The following PCDHGB2 variants were observed in gnomAD, a reference collection of about 807,000 sequenced individuals.
PCDHGB2 encodes protocadherin gamma-B2.
PCDHGB2 carries 55 observed loss-of-function variants against 59.3 expected under a neutral mutation model. The ratio of observed to expected loss-of-function variants is 0.93; its 90% CI spans 0.75 to 1.16. The LOEUF is 1.16. Among genes scored for constraint, PCDHGB2 ranks in the 50% most tolerant of loss-of-function variants. The pLI, the probability that PCDHGB2 is intolerant of heterozygous loss-of-function variation, is 0.00. For synonymous variants in PCDHGB2, 516 were observed against 512.0 expected (o/e 1.01, Z -0.11); for missense variants, 1,228 against 1,198.5 (o/e 1.02, Z -0.36).
Position 141,419,336 on chromosome 5 carries a change from G to A in PCDHGB2, c.2421+56780G>A, listed in dbSNP as rs762064534. 6.8e-6 allele frequency: 11 copies of A among 1,613,772 alleles called. No individual in the cohort carries two copies. In the African/African-American group the frequency reaches 1.3e-4, roughly 20 times the overall value. ...CGGCCGTGTCTCCTACTCTCTCATT[G>A]CCAGCGACCTGGAGTCACGAACGCT... On this transcript the variant is annotated intron_variant, in intron 1 of 3. Coordinates refer to ENST00000522605, the MANE Select transcript of PCDHGB2 (RefSeq NM_018923.3).
intron 1 of PCDHGB2, chr5:141,418,394 T>C: frequency 6.2e-7 from 1 of 1,614,020 alleles, no homozygotes; most frequent in Non-Finnish European, 8.5e-7. Flanking sequence ...CGAGTATTTC[T>C]CATTGGTGGA....
chr5:141,422,382 T>C (rs1390444026), intron 1 of PCDHGB2: 5 of 1,585,154 alleles, frequency 3.2e-6, no homozygotes, highest in Admixed American at 1.8e-5. Context: ...AAGTCTCCTG[T>C]TTTATTCCTA....
At chr5:141,408,375 T>A in intron 1 of PCDHGB2, 1 of 1,613,972 alleles carries the variant, frequency 6.2e-7, no homozygotes, top group Non-Finnish European at 8.5e-7. Context: ...GGGCTCAGTG[T>A]CCTGGATGTG....
chr5:141,478,553 T>C, intron 1 of PCDHGB2: 1 of 1,602,704 alleles, frequency 6.2e-7, no homozygotes. Context: ...ACAGGTAAGG[T>C]TTAGCAAGTC....
At position 141,477,529 on chromosome 5, in the gene PCDHGB2, C is replaced by G; in HGVS notation, c.2422-17278C>G. ...ACGTTTACATTGAAGAAAACAACCT[C>G]CCCGGGGCTCCAATACTAAACCTAA... On this transcript the variant is annotated intron_variant, in intron 1 of 3. Transcript: ENST00000522605. The surrounding 1 kb of genome is among the most constrained non-coding windows in gnomAD (Gnocchi z 4.9). 6.2e-7 allele frequency: 1 copy of G among 1,614,172 alleles called. No homozygotes were observed. The highest frequency in any genetic ancestry group is 8.5e-7 in the Non-Finnish European group (1 of 1,180,032).
chr5:141,453,997 A>C (rs1332821058), intron 1 of PCDHGB2, among the ~76,000 whole-genome samples: 2 of 152,242 alleles, frequency 1.3e-5, no homozygotes, highest in Non-Finnish European at 2.9e-5. Context: ...TGATAAACCC[A>C]CATAACATTT....
intron 3 of PCDHGB2, among the ~76,000 whole-genome samples, chr5:141,509,686 G>A (rs1350812680): frequency 6.6e-6 from 1 of 152,212 alleles, no homozygotes; most frequent in Non-Finnish European, 1.5e-5. Flanking sequence ...CTTCTGTACA[G>A]TGGGACGTTG....
At chr5:141,444,129 T>C (rs897901109) in intron 1 of PCDHGB2, among the ~76,000 whole-genome samples, 3 of 147,096 alleles carry the variant, frequency 2.0e-5, no homozygotes, top group African/African-American at 5.0e-5. Context: ...TCTCAACAGA[T>C]ATGTGTCACT....
intron 1 of PCDHGB2, among the ~76,000 whole-genome samples, chr5:141,492,964 C>CT (rs2099745347): frequency 6.6e-6 from 1 of 152,354 alleles, no homozygotes; most frequent in Non-Finnish European, 1.5e-5. Context: ...ATCTGACACT[C>CT]TAACAAGTCC....
chr5:141,383,662 G>A (rs780831620), intron 1 of PCDHGB2: 10 of 1,614,042 alleles, frequency 6.2e-6, no homozygotes, highest in South Asian at 1.1e-5. Flanking sequence ...CCCCGAGAAT[G>A]TGCCAGTGGG....
chr5:141,415,406 T>G, intron 1 of PCDHGB2: 1 of 1,614,208 alleles, frequency 6.2e-7, no homozygotes. Flanking sequence ...GGCTCGCACT[T>G]TGTGGGCGTG....
chr5:141,432,991 C>T lies in PCDHGB2; in HGVS notation c.2422-61816C>T. ...CGGCGTCGCACTTTGTGGGCGTGGA[C>T]GGGGTGCAGGCTTTCCTGCAGACCT... is the stretch of plus-strand genomic sequence containing the variant. On this transcript the variant is annotated intron_variant, in intron 1 of 3. Coordinates refer to ENST00000522605, the MANE Select transcript of PCDHGB2 (RefSeq NM_018923.3). This position sits in a 1 kb window ranked among gnomAD's most constrained non-coding sequence, Gnocchi z 6.0. 6.2e-7 allele frequency: 1 copy of T among 1,614,200 alleles called. No individual in the cohort carries two copies. The highest frequency in any genetic ancestry group is 8.5e-7 in the Non-Finnish European group (1 of 1,180,030).
At chr5:141,449,080 A>G (rs2098627421) in intron 1 of PCDHGB2, among the ~76,000 whole-genome samples, 1 of 152,198 alleles carries the variant, frequency 6.6e-6, no homozygotes, top group Non-Finnish European at 1.5e-5. Context: ...CCCTGTACCT[A>G]CATCAGTTTT....
chr5:141,360,880 G>T lies in PCDHGB2; in HGVS notation c.745G>T (p.Val249Phe). 2 of 1,614,004 alleles carry T rather than the reference G, an allele frequency of 1.2e-6. No individual in the cohort carries two copies. Among genetic ancestry groups the T allele is most frequent in the South Asian group, 2.2e-5 (2 of 91,086 alleles). The change falls in exon 1 of 4, where the codon GTC becomes TTC. Residue 249 changes from valine to phenylalanine, a missense_variant. Val to Phe is a conservative substitution (Grantham distance 50). Around this residue, in one of 3 missense-constraint regions of PCDHGB2, gnomAD observed 781 missense variants for 721.6 expected, o/e 1.08. Coordinates refer to ENST00000522605, the MANE Select transcript of PCDHGB2 (RefSeq NM_018923.3). ...AGTGTTCAGCCAGGACGTGTACAGG[G>T]TCACCCTGAGGGAGGACGTGCCGCC... ...PPVFSQDVYR[V>F]TLREDVPPGF...
intron 1 of PCDHGB2, chr5:141,414,637 A>G: frequency 5.6e-6 from 9 of 1,613,894 alleles, no homozygotes; most frequent in Non-Finnish European, 6.8e-6. Context: ...CAGCAAAGAG[A>G]ATGCCCAGAT....
intron 1 of PCDHGB2, chr5:141,365,836 C>T: frequency 6.2e-7 from 1 of 1,613,976 alleles, no homozygotes; most frequent in Non-Finnish European, 8.5e-7. Flanking sequence ...CGCCCTTGTC[C>T]TCCTATGTAT....
In PCDHGB2 at chr5:141,511,599, C is replaced by G; in HGVS notation, c.*426C>G. 4.0e-6 allele frequency: 1 copy of G among 252,540 alleles called. No homozygotes were observed. Among genetic ancestry groups the G allele is most frequent in the South Asian group, 5.2e-5 (1 of 19,398 alleles). 15.6% of individuals were successfully genotyped at this position (252,540 alleles called of 1,614,324 possible). ...GTTGGGGTGTTGAAGTACCAAGTAA[C>G]CTACAAGCCTCCTAGTTCTGAAAAG... On this transcript the variant is annotated 3_prime_UTR_variant, in exon 4 of 4. Coordinates refer to ENST00000522605, the MANE Select transcript of PCDHGB2 (RefSeq NM_018923.3).
chr5:141,433,347 CCTA>C, intron 1 of PCDHGB2: 1 of 626,716 alleles, frequency 1.6e-6, no homozygotes, highest in South Asian at 2.0e-5. Flanking sequence ...GTGCAAGCCA[CCTA>C]CTGTCTGCCT....
chr5:141,440,667 T>C (rs1330266877), intron 1 of PCDHGB2: 1 of 152,218 alleles, frequency 6.6e-6, no homozygotes, highest in East Asian at 1.9e-4. Context: ...GCAGCAACTC[T>C]ATATTTCTCT....
Sources: allele counts gnomAD v4.1 joint callset (sites outside exome capture counted in the v4.1 genomes callset), GRCh38; gene constraint gnomAD v4.1.1; regional missense constraint gnomAD v4.1.1; non-coding constraint Gnocchi (gnomAD v3.1); transcripts MANE v1.5; gene names NCBI Gene and HGNC (gene_info 2026-07-23, HGNC 2026-07-21).